Variants in PDXDC1 observed in about 807,000 individuals in gnomAD.
The protein encoded by PDXDC1 is pyridoxal-dependent decarboxylase domain-containing protein 1.
A neutral mutation model predicts 100.1 loss-of-function variants in PDXDC1; 42 were observed. The ratio of observed to expected loss-of-function variants is 0.42; its 90% CI spans 0.33 to 0.54. The LOEUF is 0.54. PDXDC1 is among the 20% of genes least tolerant of loss of function. The pLI, the probability that PDXDC1 is intolerant of heterozygous loss-of-function variation, is 0.10. For missense variants in PDXDC1, 636 were observed against 979.2 expected (o/e 0.65, Z 4.68); for synonymous variants, 260 against 371.7 (o/e 0.70, Z 3.46).
intron 16 of PDXDC1, among the ~76,000 whole-genome samples, chr16:15,089,008 A>G (rs1237542747): frequency 6.6e-6 from 1 of 152,196 alleles, no homozygotes; most frequent in Non-Finnish European, 1.5e-5. Flanking sequence ...CAGACAGTTA[A>G]GAAACAAGTC....
chr16:15,140,369 G>C (rs562797732), downstream of PDXDC1, among the ~76,000 whole-genome samples: 8 of 149,824 alleles, frequency 5.3e-5, no homozygotes, highest in Non-Finnish European at 1.5e-5. Context: ...ACTTGAACCC[G>C]GGAGGCAGAG....
At chr16:15,147,373 A>T in the PDXDC1 span, among the ~76,000 whole-genome samples, 6 of 152,324 alleles carry the variant, frequency 3.9e-5, no homozygotes, top group South Asian at 1.2e-3. Flanking sequence ...AATCATCACC[A>T]CGGCTTCTCA....
chr16:15,029,628 G>A, intron 15 of PDXDC1: 1 of 499,472 alleles, frequency 2.0e-6, no homozygotes, highest in East Asian at 4.1e-5. Context: ...ACAACTCCCT[G>A]CCCGCCACTA....
Position 15,037,241 on chromosome 16 carries a change from G to C in PDXDC1, c.*966G>C, listed in dbSNP as rs2043510762. 6.6e-6 allele frequency: 1 copy of C among 152,238 alleles called. No homozygotes were observed. The highest frequency in any genetic ancestry group is 1.9e-4 in the East Asian group (1 of 5,200). The allele number at this position is 152,238 out of a possible 1,614,324, so 9.4% of individuals were successfully genotyped here. Reference sequence around the variant, plus strand: ...GCCGGGCACCCTGCTTAAGTCAGTAGAAGCTCGCTGGCACTGCCCGTTCCT... The same window carrying C: ...GCCGGGCACCCTGCTTAAGTCAGTACAAGCTCGCTGGCACTGCCCGTTCCT... On this transcript the variant is annotated 3_prime_UTR_variant, in exon 23 of 23. Transcript: ENST00000396410.
At chr16:15,131,401 A>C in intron 16 of PDXDC1, 1 of 1,604,212 alleles carries the variant, frequency 6.2e-7, no homozygotes, top group South Asian at 1.1e-5. Flanking sequence ...GATGAGCTGC[A>C]CCACGTCACT....
the PDXDC1 span, among the ~76,000 whole-genome samples, chr16:15,149,704 G>A: frequency 7.9e-5 from 12 of 152,274 alleles, 1 homozygote; most frequent in South Asian, 6.2e-4. Flanking sequence ...CAAGTCCCTC[G>A]ATGTGCCCAG....
At chr16:15,147,517 G>A in the PDXDC1 span, among the ~76,000 whole-genome samples, 1 of 152,156 alleles carries the variant, frequency 6.6e-6, no homozygotes, top group Non-Finnish European at 1.5e-5. Flanking sequence ...GGGAGAGGGT[G>A]CGGACTCTTC....
intron 12 of PDXDC1, among the ~76,000 whole-genome samples, chr16:15,021,815 C>T (rs2042229896): frequency 1.3e-5 from 2 of 152,288 alleles, no homozygotes; most frequent in Admixed American, 1.3e-4. Flanking sequence ...CAGCATTCGC[C>T]TCCTCATCCT....
the PDXDC1 span, among the ~76,000 whole-genome samples, chr16:15,149,394 G>A: frequency 1.4e-4 from 22 of 152,222 alleles, no homozygotes; most frequent in Non-Finnish European, 2.4e-4. Flanking sequence ...AGGCCTTGGT[G>A]ACAATCCCTA....
chr16:14,986,386 T>C (rs1969381837), intron 1 of PDXDC1, among the ~76,000 whole-genome samples: 1 of 152,276 alleles, frequency 6.6e-6, no homozygotes, highest in Non-Finnish European at 1.5e-5. Flanking sequence ...GCAGAATCAC[T>C]TGAACCCGGG....
chr16:15,148,354 C>T, the PDXDC1 span, among the ~76,000 whole-genome samples: 1 of 136,502 alleles, frequency 7.3e-6, no homozygotes, highest in South Asian at 2.5e-4. Context: ...GGAGAAATCT[C>T]TGTTCAGATC....
chr16:15,136,027 G>T, intron 16 of PDXDC1: 3 of 1,543,832 alleles, frequency 1.9e-6, no homozygotes. Flanking sequence ...TGGCTCCCCG[G>T]GCAGCCAGTT....
intron 5 of PDXDC1, among the ~76,000 whole-genome samples, chr16:15,006,192 G>A (rs1426074018): frequency 6.6e-6 from 1 of 152,274 alleles, no homozygotes; most frequent in Non-Finnish European, 1.5e-5. Flanking sequence ...ATGGATGGAG[G>A]GTTATTGTCT....
At chr16:14,997,980 G>A (rs1972362278) in intron 2 of PDXDC1, among the ~76,000 whole-genome samples, 154 bp downstream of exon 2, 1 of 152,262 alleles carries the variant, frequency 6.6e-6, no homozygotes, top group Admixed American at 6.5e-5. Flanking sequence ...GGTAAAAGGT[G>A]CCTTGTAATT....
At position 15,089,915 on chromosome 16, in the gene PDXDC1, T is replaced by C. The variant is rs534344367; in HGVS notation, c.1400-48964T>C. Among the ~76,000 whole-genome samples the C allele has an allele frequency of 2.7e-5, 4 of 149,398 alleles. No individual in the cohort carries two copies. The South Asian group carries it at 8.5e-4, about 32-fold the overall frequency. On this transcript the variant is annotated intron_variant, in intron 16 of 16. Transcript: ENST00000535621. The stretch of plus-strand genomic sequence containing the variant: ...ACAAGGAATACAAGGCTTAAAAAAG[T>C]AAGTCCACTGAGGCTGGGCTCAGTG...
downstream of PDXDC1, among the ~76,000 whole-genome samples, chr16:15,042,289 G>A (rs900336093): frequency 1.3e-5 from 2 of 150,824 alleles, no homozygotes; most frequent in Non-Finnish European, 2.9e-5. Context: ...AGGTTCAAGC[G>A]ATTTTCCTGC....
intron 16 of PDXDC1, among the ~76,000 whole-genome samples, chr16:15,067,711 A>G (rs1164723668): frequency 6.6e-6 from 1 of 152,024 alleles, no homozygotes; most frequent in Non-Finnish European, 1.5e-5. Context: ...ACGCCATCAA[A>G]GTATAAAAAC....
At chr16:15,130,531 G>C (rs2047996325) in intron 16 of PDXDC1, 13 of 1,324,002 alleles carry the variant, frequency 9.8e-6, no homozygotes, top group Non-Finnish European at 1.4e-5. Context: ...CCCATACCCG[G>C]TCCAGTCCCC....
intron 8 of PDXDC1, among the ~76,000 whole-genome samples, chr16:15,010,006 A>G (rs1424250763): frequency 4.6e-5 from 7 of 152,220 alleles, no homozygotes; most frequent in East Asian, 1.9e-4. Flanking sequence ...ATGCTTCTCT[A>G]TCTTCTCCTT....
Sources: gnomAD v4.1 joint callset for allele counts (sites outside exome capture counted in the v4.1 genomes callset) on GRCh38, gnomAD v4.1.1 for gene constraint, MANE v1.5 for transcripts, NCBI Gene and HGNC (gene_info 2026-07-23, HGNC 2026-07-21) for gene names.